The following GPATCH2L variants were observed in gnomAD, a reference collection of about 807,000 sequenced individuals.
The protein encoded by GPATCH2L is G patch domain-containing protein 2-like.
Under a neutral mutation model 57.4 loss-of-function variants are expected in GPATCH2L, and 31 were observed. The ratio of observed to expected loss-of-function variants is 0.54; its 90% CI spans 0.41 to 0.73. GPATCH2L has a LOEUF of 0.73. GPATCH2L is among the 30% of genes least tolerant of loss of function. The pLI, the probability that GPATCH2L is intolerant of heterozygous loss-of-function variation, is 0.00. For synonymous variants in GPATCH2L, 199 were observed against 210.7 expected (o/e 0.94, Z 0.48); for missense variants, 481 against 599.9 (o/e 0.80, Z 2.07).
In GPATCH2L at chr14:76,178,059, C is replaced by G. The variant is rs746431449; in HGVS notation, c.1107+17C>G. The G allele has an allele frequency of 1.3e-5, 20 of 1,582,562 alleles. No homozygotes were observed. In the Admixed American group the frequency reaches 3.0e-4, roughly 24 times the overall value. On this transcript the variant is annotated intron_variant, in intron 7 of 9. Coordinates refer to ENST00000261530, the MANE Select transcript of GPATCH2L (RefSeq NM_017926.4). ...GCACATGAGGTAAGGTTTCCTCTTT[C>G]TTGTTATTTTGATTTTCTTGGAGAA... is the stretch of plus-strand genomic sequence containing the variant.
intron 3 of GPATCH2L, among the ~76,000 whole-genome samples, chr14:76,169,052 T>C (rs1306794545): frequency 1.3e-5 from 2 of 152,250 alleles, no homozygotes; most frequent in Non-Finnish European, 2.9e-5. Flanking sequence ...CTCCACCTGA[T>C]GTGCTTCACT....
rs1220471294 is a variant in GPATCH2L at position 76,211,004 on chromosome 14, T to C, written c.*9153T>C. The C allele has an allele frequency of 6.6e-6, 1 of 152,124 alleles. No homozygotes were observed. The highest frequency in any genetic ancestry group is 3.2e-3 in the Middle Eastern group (1 of 316). 9.4% of individuals were successfully genotyped at this position (152,124 alleles called of 1,614,324 possible). Reference sequence around the variant, plus strand: ...GAATGAAATAAGAATGACAGGGTATTTTGGCAGCAAGGAGGAGGGCACTTT... The same window carrying C: ...GAATGAAATAAGAATGACAGGGTATCTTGGCAGCAAGGAGGAGGGCACTTT... On this transcript the variant is annotated 3_prime_UTR_variant, in exon 10 of 10. Coordinates refer to ENST00000261530, the MANE Select transcript of GPATCH2L (RefSeq NM_017926.4).
intron 1 of GPATCH2L, among the ~76,000 whole-genome samples, chr14:76,223,455 A>G (rs79485267): frequency 0.022 from 3,375 of 152,310 alleles, 76 homozygotes; most frequent in South Asian, 0.077. Flanking sequence ...AGACCTACAC[A>G]TAAGGGCTAA....
At chr14:76,166,156 A>T (rs1566779386) in intron 2 of GPATCH2L, among the ~76,000 whole-genome samples, 1 of 152,218 alleles carries the variant, frequency 6.6e-6, no homozygotes, top group Non-Finnish European at 1.5e-5. Context: ...TATCTGCTCG[A>T]TATGAAGGAG....
intron 8 of GPATCH2L, among the ~76,000 whole-genome samples, chr14:76,181,198 C>T (rs1329651433): frequency 1.3e-5 from 2 of 152,210 alleles, no homozygotes; most frequent in Non-Finnish European, 1.5e-5. Flanking sequence ...CATGTACAGC[C>T]TCCTTTCGTA....
At chr14:76,167,747 ATG>A (rs879790088) in intron 3 of GPATCH2L, among the ~76,000 whole-genome samples, 25 of 151,992 alleles carry the variant, frequency 1.6e-4, no homozygotes, top group Non-Finnish European at 3.5e-4. Context: ...ATTAGAGATT[ATG>A]TGTGTGTGTG....
intron 2 of GPATCH2L, among the ~76,000 whole-genome samples, chr14:76,232,086 A>G (rs2040574250): frequency 9.4e-5 from 1 of 10,644 alleles, no homozygotes; most frequent in South Asian, 6.6e-3. Context: ...TAATTTTTGT[A>G]TTTTTTGTAG....
At chr14:76,230,113 C>T (rs906313013) in intron 2 of GPATCH2L, among the ~76,000 whole-genome samples, 1 of 152,176 alleles carries the variant, frequency 6.6e-6, no homozygotes, top group Non-Finnish European at 1.5e-5. Flanking sequence ...CTCTGGGTTT[C>T]CTGGTGGGCA....
At chr14:76,166,950 G>A (rs752649990) in intron 3 of GPATCH2L, among the ~76,000 whole-genome samples, 35 of 152,020 alleles carry the variant, frequency 2.3e-4, no homozygotes, top group Non-Finnish European at 4.4e-4. Context: ...TTTTTCACAA[G>A]CACCTGAAGT....
chr14:76,188,482 T>C (rs2039853548), intron 8 of GPATCH2L, among the ~76,000 whole-genome samples: 2 of 152,104 alleles, frequency 1.3e-5, no homozygotes, highest in Non-Finnish European at 2.9e-5. Flanking sequence ...TTGAGCATCT[T>C]TTCATATGCC....
chr14:76,222,401 G>A (rs985779763), intron 1 of GPATCH2L, among the ~76,000 whole-genome samples: 3 of 152,158 alleles, frequency 2.0e-5, no homozygotes, highest in African/African-American at 7.2e-5. Context: ...AAGTCCAGGA[G>A]TTCAAGACCA....
At chr14:76,160,362 G>T (rs955898951) in intron 2 of GPATCH2L, among the ~76,000 whole-genome samples, 4 of 152,148 alleles carry the variant, frequency 2.6e-5, no homozygotes, top group African/African-American at 9.7e-5. Context: ...GTCAAGTGTG[G>T]TTCTATCAGC....
At chr14:76,177,701 TTTTTTG>T (rs908939574) in intron 6 of GPATCH2L, among the ~76,000 whole-genome samples, 5 of 142,412 alleles carry the variant, frequency 3.5e-5, no homozygotes, top group African/African-American at 1.3e-4. Flanking sequence ...GAAGAGGTTT[TTTTTTG>T]TTTTTGTTTT....
chr14:76,172,334 C>T (rs1274685705), intron 4 of GPATCH2L, among the ~76,000 whole-genome samples: 1 of 152,044 alleles, frequency 6.6e-6, no homozygotes, highest in African/African-American at 2.4e-5. Context: ...TATTGAGTAT[C>T]GGATTTTGGA....
chr14:76,190,346 T>G (rs1297536133), intron 8 of GPATCH2L, among the ~76,000 whole-genome samples: 1 of 152,046 alleles, frequency 6.6e-6, no homozygotes. Flanking sequence ...TTTTCTGAGA[T>G]AAGAATTTTT....
chr14:76,159,533 G>C (rs1028069939), intron 2 of GPATCH2L, among the ~76,000 whole-genome samples: 4 of 151,852 alleles, frequency 2.6e-5, no homozygotes, highest in Non-Finnish European at 4.4e-5. Context: ...CTACTGGGAG[G>C]CTTTTATCTC....
intron 1 of GPATCH2L, among the ~76,000 whole-genome samples, chr14:76,227,593 G>A (rs1383090249): frequency 6.6e-6 from 1 of 152,218 alleles, no homozygotes; most frequent in East Asian, 1.9e-4. Context: ...TTTGTGAATT[G>A]CGTAACACGA....
intron 1 of GPATCH2L, among the ~76,000 whole-genome samples, chr14:76,227,481 A>C (rs1262134070): frequency 6.6e-6 from 1 of 152,172 alleles, no homozygotes; most frequent in Non-Finnish European, 1.5e-5. Context: ...AACCCAAAGT[A>C]TGAAGTTGAT....
At position 76,154,816 on chromosome 14, in the gene GPATCH2L, T is replaced by G; in HGVS notation, c.453T>G (p.Asp151Glu). 2 of 1,614,182 alleles carry G rather than the reference T, an allele frequency of 1.2e-6. No individual in the cohort carries two copies. The highest frequency in any genetic ancestry group is 1.3e-5 in the African/African-American group (1 of 75,042). Residue 151 changes from aspartate to glutamate, a missense_variant, in exon 2 of 10, where the codon GAT becomes GAG. Physicochemically the swap from Asp to Glu is conservative, Grantham distance 45. This residue lies in a region of GPATCH2L where 208 missense variants were observed against 272.4 expected (regional missense o/e 0.76). Transcript: ENST00000261530. The surrounding 1 kb of genome is among the most constrained non-coding windows in gnomAD (Gnocchi z 4.4). ...TTCAGCAGAAGCTGAAGGTGTCAGATTGGAGCTATGAGAGAGGCTGCAGGT... is the reference window on the plus strand; with the variant it reads ...TTCAGCAGAAGCTGAAGGTGTCAGAGTGGAGCTATGAGAGAGGCTGCAGGT... ...ASLQQKLKVS[D>E]WSYERGCRFK...
Sources: allele counts gnomAD v4.1 joint callset (sites outside exome capture counted in the v4.1 genomes callset), GRCh38; gene constraint gnomAD v4.1.1; regional missense constraint gnomAD v4.1.1; non-coding constraint Gnocchi (gnomAD v3.1); transcripts MANE v1.5; gene names NCBI Gene and HGNC (gene_info 2026-07-23, HGNC 2026-07-21).